DNAH11: variants seen among roughly 807,000 people sequenced by gnomAD.
DNAH11 encodes dynein axonemal heavy chain 11, also known as axonemal beta dynein heavy chain 11.
In DNAH11, 442 loss-of-function variants were observed where a neutral mutation model predicts 526.0. The observed-to-expected ratio is 0.84, with a 90% CI of 0.78 to 0.91. The LOEUF (loss-of-function observed/expected upper bound fraction) is 0.91. Ranked by LOEUF, DNAH11 falls within the 40% of genes least tolerant of loss-of-function variation. DNAH11 has a pLI of 0.00. For synonymous variants in DNAH11, 2,461 were observed against 1,935.9 expected, an observed-to-expected ratio of 1.27 and a Z score of -7.12; for missense variants, 6,989 against 5,448.7, an observed-to-expected ratio of 1.28 and a Z score of -8.90.
At chr7:21,638,034 C>T (rs1786951908) in intron 27 of DNAH11, among the ~76,000 whole-genome samples, 1 of 152,122 alleles carries the variant, frequency 6.6e-6, no homozygotes, top group African/African-American at 2.4e-5. Flanking sequence ...CCTGGGATTG[C>T]ACTCCGTTAA....
At chr7:21,547,454 G>C (rs1164328600) in intron 2 of DNAH11, among the ~76,000 whole-genome samples, 1 of 152,188 alleles carries the variant, frequency 6.6e-6, no homozygotes, top group Non-Finnish European at 1.5e-5. Context: ...GTTACAGCAG[G>C]TAATTTACTT....
chr7:21,554,924 T>C (rs957473695), intron 2 of DNAH11, among the ~76,000 whole-genome samples: 1 of 152,192 alleles, frequency 6.6e-6, no homozygotes, highest in African/African-American at 2.4e-5. Context: ...GAGCAATTGG[T>C]TCGACTCTGC....
At chr7:21,610,884 C>G (rs1785494557) in intron 20 of DNAH11, among the ~76,000 whole-genome samples, 1 of 152,172 alleles carries the variant, frequency 6.6e-6, no homozygotes, top group Non-Finnish European at 1.5e-5. Flanking sequence ...GAATGCCGTC[C>G]AACTGTTCTA....
At position 21,873,307 on chromosome 7, in the gene DNAH11, T is replaced by C. The variant is rs535643565; in HGVS notation, c.12001T>C (p.Leu4001=). ...TTTGGTAGCCAAGTGGCTAGGAACC[T>C]TGGAGAAGCTCCTTGAAAGATTCAG... ...VHLVAKWLGT[L]EKLLERFSQG... The change falls in exon 74 of 82, where the codon TTG becomes CTG. Residue 4001 remains leucine, a synonymous_variant. Coordinates refer to ENST00000409508, the MANE Select transcript of DNAH11 (RefSeq NM_001277115.2). The C allele has an allele frequency of 6.2e-7, 1 of 1,604,604 alleles. No individual in the cohort carries two copies. The highest frequency in any genetic ancestry group is 2.2e-5 in the East Asian group (1 of 44,694).
At chr7:21,594,594 A>C (rs1784802308) in intron 14 of DNAH11, among the ~76,000 whole-genome samples, 1 of 152,180 alleles carries the variant, frequency 6.6e-6, no homozygotes, top group Non-Finnish European at 1.5e-5. Flanking sequence ...AGTAGGCCTC[A>C]ACCAGAAGGT....
At chr7:21,744,669 G>A (rs907089770) in intron 50 of DNAH11, 70 bp downstream of exon 50, 21 of 1,569,708 alleles carry the variant, frequency 1.3e-5, no homozygotes, top group Admixed American at 1.2e-4. Context: ...AAAGTTAGAT[G>A]AGGGTATGAG....
chr7:21,850,793 C>A (rs1782604598), intron 66 of DNAH11, among the ~76,000 whole-genome samples: 1 of 151,994 alleles, frequency 6.6e-6, no homozygotes, highest in Non-Finnish European at 1.5e-5. Context: ...TGCAGTTTTA[C>A]CTGGTGTCCT....
At chr7:21,896,216 T>G (rs1583822371) in intron 79 of DNAH11, among the ~76,000 whole-genome samples, 1 of 152,236 alleles carries the variant, frequency 6.6e-6, no homozygotes, top group Admixed American at 6.5e-5. Flanking sequence ...TCATTGCTTT[T>G]TTTGTATCTT....
At chr7:21,824,996 C>T (rs1415647956) in intron 65 of DNAH11, among the ~76,000 whole-genome samples, 2 of 152,056 alleles carry the variant, frequency 1.3e-5, no homozygotes, top group Admixed American at 6.6e-5. Context: ...CTCAGCCTCC[C>T]GAGTAGCTGG....
intron 55 of DNAH11, among the ~76,000 whole-genome samples, chr7:21,766,453 G>A (rs1209430396): frequency 6.6e-6 from 1 of 152,160 alleles, no homozygotes; most frequent in African/African-American, 2.4e-5. Flanking sequence ...ACTCTCAGAG[G>A]CAAACACAGA....
chr7:21,604,383 A>G (rs891031783), intron 18 of DNAH11, among the ~76,000 whole-genome samples: 22 of 152,062 alleles, frequency 1.4e-4, no homozygotes, highest in East Asian at 1.9e-4. Flanking sequence ...CCCACCCACA[A>G]TATACTCTGA....
At chr7:21,552,738 A>G (rs1783068840) in intron 2 of DNAH11, among the ~76,000 whole-genome samples, 1 of 152,202 alleles carries the variant, frequency 6.6e-6, no homozygotes, top group African/African-American at 2.4e-5. Flanking sequence ...CTCCCAGTTA[A>G]TAGGATTTTC....
intron 65 of DNAH11, among the ~76,000 whole-genome samples, chr7:21,834,497 AAAC>A (rs1486278577): frequency 6.6e-6 from 1 of 152,138 alleles, no homozygotes; most frequent in Non-Finnish European, 1.5e-5. Flanking sequence ...AGAATAGAAA[AAAC>A]AAAATAGAGA....
At chr7:21,858,279 G>C (rs368685948) in intron 68 of DNAH11, among the ~76,000 whole-genome samples, 1 of 152,200 alleles carries the variant, frequency 6.6e-6, no homozygotes, top group Non-Finnish European at 1.5e-5. Flanking sequence ...TTGCTGGAAG[G>C]AATGCAATAA....
chr7:21,660,199 C>T (rs928424309), intron 30 of DNAH11, among the ~76,000 whole-genome samples: 1 of 151,930 alleles, frequency 6.6e-6, no homozygotes, highest in African/African-American at 2.4e-5. Context: ...TGCAATTCTG[C>T]TATGCCTTTC....
rs1353709566 is a variant in DNAH11 at position 21,570,311 on chromosome 7, T to C, written c.1425+12T>C. The C allele has an allele frequency of 1.3e-6, 2 of 1,580,630 alleles. No individual in the cohort carries two copies. The highest frequency in any genetic ancestry group is 2.2e-5 in the East Asian group (1 of 44,596). ...TAATAAAAATAGAGGTATTCATTTTTTGATTTTATTTATTCATGTTGAAGG... is the reference window on the plus strand; with the variant it reads ...TAATAAAAATAGAGGTATTCATTTTCTGATTTTATTTATTCATGTTGAAGG... On this transcript the variant is annotated intron_variant, in intron 7 of 81. Coordinates refer to ENST00000409508, the MANE Select transcript of DNAH11 (RefSeq NM_001277115.2).
chr7:21,812,506 G>GAA (rs34549797), intron 63 of DNAH11, among the ~76,000 whole-genome samples: 26 of 58,972 alleles, frequency 4.4e-4, no homozygotes, highest in Middle Eastern at 0.019. Context: ...CTATCTATAT[G>GAA]AAAAAAAAAT....
At chr7:21,872,123 C>CGAAAAAAAA (rs1783519056) in intron 73 of DNAH11, among the ~76,000 whole-genome samples, 1 of 30,822 alleles carries the variant, frequency 3.2e-5, no homozygotes. Flanking sequence ...GACTCTGTCT[C>CGAAAAAAAA]AAAAAAAAAA....
intron 2 of DNAH11, among the ~76,000 whole-genome samples, chr7:21,555,048 T>C (rs1783163169): frequency 6.6e-6 from 1 of 152,190 alleles, no homozygotes; most frequent in African/African-American, 2.4e-5. Flanking sequence ...CCAGGGCTTT[T>C]CACTGGGCAG....
Sources: gnomAD v4.1 joint callset for allele counts (sites outside exome capture counted in the v4.1 genomes callset) on GRCh38, gnomAD v4.1.1 for gene constraint, MANE v1.5 for transcripts, NCBI Gene and HGNC (gene_info 2026-07-23, HGNC 2026-07-21) for gene names.